DRG2: variants seen among roughly 807,000 people sequenced by gnomAD.
DRG2 encodes developmentally-regulated GTP-binding protein 2.
DRG2 carries 36 observed loss-of-function variants against 53.4 expected under a neutral mutation model. That is an observed-to-expected ratio of 0.67 (90% CI 0.52 to 0.89). The LOEUF (loss-of-function observed/expected upper bound fraction) is 0.89, where lower values mean the gene tolerates loss of function less well. Among genes scored for constraint, DRG2 ranks in the 40% least tolerant of loss-of-function variants. The pLI is 0.00. For synonymous variants in DRG2, 167 were observed against 192.1 expected (o/e 0.87, Z 1.08); for missense variants, 342 against 481.2 (o/e 0.71, Z 2.71).
intron 8 of DRG2, 131 bp from the exon 9 acceptor site, chr17:18,101,790 G>A (rs772782872): frequency 3.0e-5 from 36 of 1,197,306 alleles, no homozygotes; most frequent in Non-Finnish European, 4.0e-5. Context: ...CAACCCTGAG[G>A]CAGCAAGGGG....
At position 18,100,148 on chromosome 17, in the gene DRG2, C is replaced by T; in HGVS notation, c.468-215C>T. On this transcript the variant is annotated intron_variant, in intron 5 of 12. Coordinates refer to ENST00000225729, the MANE Select transcript of DRG2 (RefSeq NM_001388.5). This position sits in a 1 kb window ranked among gnomAD's most constrained non-coding sequence, Gnocchi z 4.1. ...TCCACCACTTGCCTGTGCATGCCGA[C>T]CGTAAACCGGGCCAGTCCCCTCTGG... 1 of 611,088 alleles carries T rather than the reference C, an allele frequency of 1.6e-6. No individual in the cohort carries two copies. The highest frequency in any genetic ancestry group is 2.8e-5 in the East Asian group (1 of 36,152). The allele number at this position is 611,088 out of a possible 1,614,324, so 37.9% of individuals were successfully genotyped here.
chr17:18,099,641 C>T lies in DRG2; in HGVS notation c.385C>T (p.Arg129Cys), dbSNP rs1438034945. 9 of 1,604,400 alleles carry T rather than the reference C, an allele frequency of 5.6e-6. No individual in the cohort carries two copies. Among genetic ancestry groups the T allele is most frequent in the Non-Finnish European group, 7.7e-6 (9 of 1,176,350 alleles). Residue 129 changes from arginine (R) to cysteine (C), a missense_variant, in exon 5 of 13, where the codon CGT (arginine) becomes TGT (cysteine). By Grantham distance (180) the Arg-to-Cys change is radical (BLOSUM62 -3). Transcript: ENST00000225729. The surrounding 1 kb of genome is among the most constrained non-coding windows in gnomAD (Gnocchi z 4.4). ...CCCTCACACCCATCCAGGAAAAGGC[C>T]GTGGCCGGCAGGTGATCGCTGTGGC... is the stretch of plus-strand genomic sequence containing the variant. ...IIEGAAQGKGRGRQVIAVART... is the reference protein window; with the variant it reads ...IIEGAAQGKGCGRQVIAVART...
chr17:18,106,381 A>G (rs2045631157), intron 11 of DRG2, 52 bp from the exon 12 acceptor site: 2 of 1,606,244 alleles, frequency 1.2e-6, no homozygotes, highest in Admixed American at 3.3e-5. Context: ...CAAGCTTGGG[A>G]TGGGGTTAGG....
chr17:18,103,682 G>T lies in DRG2; in HGVS notation c.807-119G>T. On this transcript the variant is annotated intron_variant, in intron 9 of 12. Transcript: ENST00000225729. The surrounding 1 kb of genome is among the most constrained non-coding windows in gnomAD (Gnocchi z 4.4). ...ATCATAGTAATGGGCTTGTTTCCCT[G>T]TGGGTACCAGCGGGCCACCTGGCCA... The T allele has an allele frequency of 1.1e-6, 1 of 879,904 alleles. No homozygotes were observed. The highest frequency in any genetic ancestry group is 1.9e-6 in the Non-Finnish European group (1 of 537,768). 54.5% of individuals were successfully genotyped at this position (879,904 alleles called of 1,614,324 possible). A position where few individuals can be genotyped will look rare whatever the true frequency, so the allele number is the denominator to read the frequency against.
At position 18,101,474 on chromosome 17, in the gene DRG2, C is replaced by T; in HGVS notation, c.632-19C>T. ...AGGGGCAGCTGGTGCACAGGTTGCC[C>T]TTAATCGGAGCCCCTCAGAGATCTT... On this transcript the variant is annotated intron_variant, in intron 7 of 12. Transcript: ENST00000225729. 1 of 1,613,090 alleles carries T rather than the reference C, an allele frequency of 6.2e-7. No homozygotes were observed.
intron 1 of DRG2, chr17:18,092,072 A>C (rs967557925): frequency 6.6e-6 from 1 of 152,182 alleles, no homozygotes; most frequent in Non-Finnish European, 1.5e-5. Flanking sequence ...ACCTCAAATG[A>C]TGGTAAGGAG....
In DRG2 at chr17:18,098,597, C is replaced by T. The variant is rs1408692534; in HGVS notation, c.315+238C>T. ...GCCAGCATGTGGCTACTTTGCCTGG[C>T]GCCCCCTGTGCTCTCCTCCCCAACA... On this transcript the variant is annotated intron_variant, in intron 3 of 12. Coordinates refer to ENST00000225729, the MANE Select transcript of DRG2 (RefSeq NM_001388.5). The surrounding 1 kb of genome is among the most constrained non-coding windows in gnomAD (Gnocchi z 4.1). 5 of 492,160 alleles carry T rather than the reference C, an allele frequency of 1.0e-5. No individual in the cohort carries two copies. The highest frequency in any genetic ancestry group is 3.4e-5 in the Admixed American group (1 of 29,784). The allele number at this position is 492,160 out of a possible 1,614,324, so 30.5% of individuals were successfully genotyped here.
chr17:18,096,568 G>A (rs1037055875), intron 2 of DRG2: 3 of 152,332 alleles, frequency 2.0e-5, no homozygotes, highest in African/African-American at 7.2e-5. Context: ...GGCTCATTTT[G>A]TATATTCCCT....
At chr17:18,097,614 C>A (rs2045455413) in intron 2 of DRG2, 1 of 152,278 alleles carries the variant, frequency 6.6e-6, no homozygotes, top group Non-Finnish European at 1.5e-5. Flanking sequence ...GAGGTAGGGA[C>A]CGGGTTCATG....
intron 10 of DRG2, 160 bp from the exon 11 acceptor site, chr17:18,104,463 A>C: frequency 7.0e-7 from 1 of 1,426,750 alleles, no homozygotes; most frequent in Non-Finnish European, 9.3e-7. Flanking sequence ...AAGATGGTAC[A>C]GGGATCTATG....
intron 2 of DRG2, chr17:18,095,384 GCT>G (rs1468053585): frequency 7.4e-6 from 1 of 136,054 alleles, no homozygotes; most frequent in Non-Finnish European, 1.5e-5. Flanking sequence ...TGTCTGATCG[GCT>G]CTTTTTTTTT....
rs1284025850 is a variant in DRG2, at chr17:18,103,565, G to A, written c.807-236G>A. ...ATGCTGCAACCCTCCACAGAGCACA[G>A]GCTTGCCAGCCCCTAGGAGAGATGC... On this transcript the variant is annotated intron_variant, in intron 9 of 12. Transcript: ENST00000225729. This position sits in a 1 kb window ranked among gnomAD's most constrained non-coding sequence, Gnocchi z 4.4. Among the ~76,000 whole-genome samples the A allele has an allele frequency of 6.6e-6, 1 of 152,202 alleles. No individual in the cohort carries two copies. The highest frequency in any genetic ancestry group is 1.5e-5 in the Non-Finnish European group (1 of 68,028).
In DRG2 at chr17:18,101,698, C is replaced by CCCTCA. The variant is rs1024219974; in HGVS notation, c.729+124_729+128dup. 133 of 1,185,740 alleles carry CCCTCA rather than the reference C, an allele frequency of 1.1e-4. 1 individual carries two copies. The highest frequency in any genetic ancestry group is 2.4e-4 in the Admixed American group (12 of 49,454). The allele number at this position is 1,185,740 out of a possible 1,614,324, so 73.5% of individuals were successfully genotyped here. A position where few individuals can be genotyped will look rare whatever the true frequency, so the allele number is the denominator to read the frequency against. ...GAAGCAGAAAGAGTCTGAGGCTCTC[C>CCCTCA]CCTCACCTCACCTCACCTCAGTGGC... On this transcript the variant is annotated intron_variant, in intron 8 of 12. Transcript: ENST00000225729.
intron 11 of DRG2, chr17:18,105,439 T>C (rs1402977878): frequency 6.6e-6 from 1 of 152,340 alleles, no homozygotes; most frequent in African/African-American, 2.4e-5. Context: ...TCTGGTCTCA[T>C]GCATTCATTC....
intron 11 of DRG2, 64 bp downstream of exon 11, chr17:18,104,745 C>G: frequency 6.2e-7 from 1 of 1,611,374 alleles, no homozygotes; most frequent in Non-Finnish European, 8.5e-7. Context: ...GGGCTCTGTT[C>G]TGCCTGAGGT....
At chr17:18,096,985 G>A (rs1247834947) in intron 2 of DRG2, 1 of 152,206 alleles carries the variant, frequency 6.6e-6, no homozygotes, top group Non-Finnish European at 1.5e-5. Flanking sequence ...GTATCAGAGA[G>A]AGAGAGATTG....
At position 18,103,366 on chromosome 17, in the gene DRG2, G is replaced by A. The variant is rs2045572992; in HGVS notation, c.807-435G>A. ...GCCTGTTCTACATGTAAAGGCTCTG[G>A]TGTCTCCAGAGCCTTGGTTCTCCCC... On this transcript the variant is annotated intron_variant, in intron 9 of 12. Coordinates refer to ENST00000225729, the MANE Select transcript of DRG2 (RefSeq NM_001388.5). This position sits in a 1 kb window ranked among gnomAD's most constrained non-coding sequence, Gnocchi z 4.4. 6.6e-6 allele frequency among the ~76,000 whole-genome samples: 1 copy of A among 152,116 alleles called. No individual in the cohort carries two copies. Among genetic ancestry groups the A allele is most frequent in the Non-Finnish European group, 1.5e-5 (1 of 68,016 alleles).
intron 1 of DRG2, chr17:18,091,916 A>G (rs2045341018): frequency 6.6e-6 from 1 of 152,222 alleles, no homozygotes; most frequent in African/African-American, 2.4e-5. Flanking sequence ...CCCTATTTGC[A>G]GATTAAGAAA....
intron 9 of DRG2, among the ~76,000 whole-genome samples, chr17:18,102,830 C>T (rs561822957): frequency 2.0e-5 from 3 of 152,122 alleles, no homozygotes; most frequent in Non-Finnish European, 4.4e-5. Flanking sequence ...CCTGGGGTAC[C>T]GCCTGCACTC....
Sources: allele counts gnomAD v4.1 joint callset (sites outside exome capture counted in the v4.1 genomes callset), GRCh38; gene constraint gnomAD v4.1.1; non-coding constraint Gnocchi (gnomAD v3.1); transcripts MANE v1.5; gene names NCBI Gene and HGNC (gene_info 2026-07-23, HGNC 2026-07-21).